HDAC7: variants seen among roughly 807,000 people sequenced by gnomAD.
HDAC7 encodes the protein histone deacetylase 7A.
In HDAC7, 26 loss-of-function variants were observed where a neutral mutation model predicts 115.5. The observed-to-expected ratio is 0.23, with a 90% CI of 0.16 to 0.31. HDAC7 has a LOEUF of 0.31. HDAC7 is among the 10% of genes least tolerant of loss of function. HDAC7 has a pLI of 1.00. For synonymous variants in HDAC7, 564 were observed against 550.9 expected (o/e 1.02, Z -0.33); for missense variants, 1,068 against 1,329.0 (o/e 0.80, Z 3.05).
Position 47,795,747 on chromosome 12 carries a change from G to A in HDAC7, c.927C>T (p.Thr309=), listed in dbSNP as rs1477017832. The change falls in exon 10 of 26, where the codon ACC becomes ACT. Residue 309 remains threonine (T), a synonymous_variant. Transcript: ENST00000080059. This position sits in a 1 kb window ranked among gnomAD's most constrained non-coding sequence, Gnocchi z 4.3. ...GCCCCCGAGGGCCCAGAGTCGGATGGGTCCTGCGGTCACTGTCAGCCTGGG... is the reference window on the plus strand; with the variant it reads ...GCCCCCGAGGGCCCAGAGTCGGATGAGTCCTGCGGTCACTGTCAGCCTGGG... The part of the protein sequence containing the change: ...APARADSDRR[T]HPTLGPRGPI... 6.5e-7 allele frequency: 1 copy of A among 1,535,076 alleles called. No individual in the cohort carries two copies. The highest frequency in any genetic ancestry group is 8.8e-7 in the Non-Finnish European group (1 of 1,138,526).
rs1217079850 is a variant in HDAC7 at position 47,803,573 on chromosome 12, G to A, written c.20-1299C>T. Reference sequence around the variant, plus strand: ...CAGCCCAAGTCCATCTCCTTGGGAGGCTCTCCCTGACCTCTCCCCTCTTCC... The same window carrying A: ...CAGCCCAAGTCCATCTCCTTGGGAGACTCTCCCTGACCTCTCCCCTCTTCC... On this transcript the variant is annotated intron_variant, in intron 1 of 25. Coordinates refer to ENST00000080059, the MANE Select transcript of HDAC7 (RefSeq NM_015401.5). The surrounding 1 kb of genome is among the most constrained non-coding windows in gnomAD (Gnocchi z 4.0). 6.6e-6 allele frequency among the ~76,000 whole-genome samples: 1 copy of A among 152,040 alleles called. No individual in the cohort carries two copies. The highest frequency in any genetic ancestry group is 1.5e-5 in the Non-Finnish European group (1 of 68,014).
Position 47,797,411 on chromosome 12 carries a change from G to T in HDAC7, c.550C>A (p.Pro184Thr). 1 of 1,614,174 alleles carries T rather than the reference G, an allele frequency of 6.2e-7. No individual in the cohort carries two copies. Among genetic ancestry groups the T allele is most frequent in the Non-Finnish European group, 8.5e-7 (1 of 1,180,010 alleles). The change falls in exon 6 of 26, where the codon CCA (proline) becomes ACA (threonine). Residue 184 changes from proline to threonine, a missense_variant. Physicochemically the swap from Pro to Thr is conservative, Grantham distance 38. Around this residue, in one of 6 missense-constraint regions of HDAC7, gnomAD observed 618 missense variants for 701.5 expected, o/e 0.88. Coordinates refer to ENST00000080059, the MANE Select transcript of HDAC7 (RefSeq NM_015401.5). The surrounding 1 kb of genome is among the most constrained non-coding windows in gnomAD (Gnocchi z 5.5). ...GTCTTGCGCAGAGGGAAGTGCTCTG[G>T]GGGGTCACTGGGCAGGCTGGGAACA... ...PPVPSLPSDPPEHFPLRKTVS... is the reference protein window; with the variant it reads ...PPVPSLPSDPTEHFPLRKTVS...
In HDAC7 at chr12:47,810,296, G is replaced by A. The variant is rs535473030; in HGVS notation, c.20-8022C>T. ...GCAAATGAGGAAACTAAGGCTAAGA[G>A]AGGTTCAGAAACTTGCTGAGGTCAC... is the stretch of plus-strand genomic sequence containing the variant. On this transcript the variant is annotated intron_variant, in intron 1 of 25. Transcript: ENST00000080059. Among the ~76,000 whole-genome samples, 5 of 152,330 alleles carry A rather than the reference G, an allele frequency of 3.3e-5. No individual in the cohort carries two copies. The East Asian group carries it at 9.6e-4, about 29-fold the overall frequency.
At chr12:47,815,329 A>T (rs1944821312) in intron 1 of HDAC7, among the ~76,000 whole-genome samples, 1 of 151,918 alleles carries the variant, frequency 6.6e-6, no homozygotes, top group South Asian at 2.1e-4. Flanking sequence ...GCACACATGC[A>T]CACACACACA....
At chr12:47,819,519 C>G (rs1337233153) in intron 1 of HDAC7, among the ~76,000 whole-genome samples, 1 of 151,802 alleles carries the variant, frequency 6.6e-6, no homozygotes, top group African/African-American at 2.4e-5. Context: ...CGGATGTGGG[C>G]GCCCCGCGGG....
intron 2 of HDAC7, 59 bp from the exon 3 acceptor site, chr12:47,799,031 C>T: frequency 8.3e-7 from 1 of 1,207,532 alleles, no homozygotes; most frequent in Non-Finnish European, 1.1e-6. Context: ...GGGCATGATA[C>T]AGCCTGATCC....
intron 14 of HDAC7, 27 bp from the exon 15 acceptor site, chr12:47,791,733 G>C (rs1592644948): frequency 6.2e-7 from 1 of 1,611,562 alleles, no homozygotes; most frequent in Non-Finnish European, 8.5e-7. Flanking sequence ...AGAGCTCTGA[G>C]CTCATGCTCG....
chr12:47,794,862 G>A lies in HDAC7; in HGVS notation c.1356C>T (p.Gly452=), dbSNP rs1266319555. The A allele has an allele frequency of 3.7e-6, 6 of 1,613,352 alleles. No homozygotes were observed. The highest frequency in any genetic ancestry group is 2.2e-5 in the East Asian group (1 of 44,868). Residue 452 remains glycine, a synonymous_variant, in exon 12 of 26, where the codon GGC becomes GGT. Coordinates refer to ENST00000080059, the MANE Select transcript of HDAC7 (RefSeq NM_015401.5). ...IPSAEDLETD[G]GGPGQVVDDG... ...CGTCCACCACCTGGCCCGGTCCCCCGCCATCTGTCTCCAGGTCTTCAGCCG... is the reference window on the plus strand; with the variant it reads ...CGTCCACCACCTGGCCCGGTCCCCCACCATCTGTCTCCAGGTCTTCAGCCG...
intron 1 of HDAC7, among the ~76,000 whole-genome samples, chr12:47,814,001 T>C (rs1003414209): frequency 2.6e-5 from 4 of 152,210 alleles, no homozygotes; most frequent in African/African-American, 9.6e-5. Context: ...GATGTGAAAG[T>C]TAACCTCCTG....
chr12:47,796,752 G>T (rs1592660678), intron 7 of HDAC7, among the ~76,000 whole-genome samples: 1 of 152,218 alleles, frequency 6.6e-6, no homozygotes, highest in South Asian at 2.1e-4. Flanking sequence ...AGAGCAGGAA[G>T]AAGACAGGCC....
At chr12:47,806,070 C>T (rs145229737) in intron 1 of HDAC7, among the ~76,000 whole-genome samples, 3 of 152,352 alleles carry the variant, frequency 2.0e-5, no homozygotes, top group Non-Finnish European at 4.4e-5. Flanking sequence ...CCCTGGAAGC[C>T]GCCCTTTCTA....
chr12:47,797,238 G>A lies in HDAC7; in HGVS notation c.578-96C>T, dbSNP rs1943903123. On this transcript the variant is annotated intron_variant, in intron 6 of 25. Transcript: ENST00000080059. This position sits in a 1 kb window ranked among gnomAD's most constrained non-coding sequence, Gnocchi z 5.5. ...CAGTCATCTCTATCGGTCAAGGAAA[G>A]AGAAGGCAGAACTAGAAAGAAGATC... 1 of 1,563,526 alleles carries A rather than the reference G, an allele frequency of 6.4e-7. No homozygotes were observed. The highest frequency in any genetic ancestry group is 1.2e-5 in the South Asian group (1 of 83,642).
rs1187646714 is a variant in HDAC7 at position 47,795,672 on chromosome 12, C to G, written c.1002G>C (p.Glu334Asp). 1.3e-6 allele frequency: 2 copies of G among 1,552,222 alleles called. No individual in the cohort carries two copies. Among genetic ancestry groups the G allele is most frequent in the Non-Finnish European group, 1.7e-6 (2 of 1,147,538 alleles). Reference sequence around the variant, plus strand: ...AGGGCAAGGTGCCCCCAGCCTCGGGCTCCAAGCCATGGGGCAGGAAGAGGG... The same window carrying G: ...AGGGCAAGGTGCCCCCAGCCTCGGGGTCCAAGCCATGGGGCAGGAAGAGGG... The part of the protein sequence containing the change: ...HTPLFLPHGL[E>D]PEAGGTLPSR... The change falls in exon 10 of 26, where the codon GAG becomes GAC. Residue 334 changes from glutamate to aspartate, a missense_variant. By Grantham distance (45) the Glu-to-Asp change is conservative (BLOSUM62 2). Around this residue, in one of 6 missense-constraint regions of HDAC7, gnomAD observed 618 missense variants for 701.5 expected, o/e 0.88. Transcript: ENST00000080059. The surrounding 1 kb of genome is among the most constrained non-coding windows in gnomAD (Gnocchi z 4.3).
intron 12 of HDAC7, among the ~76,000 whole-genome samples, chr12:47,794,497 C>T (rs1943697937): frequency 6.6e-6 from 1 of 152,206 alleles, no homozygotes; most frequent in African/African-American, 2.4e-5. Flanking sequence ...CAGGAAAGGA[C>T]AGACTCCTTC....
Position 47,790,933 on chromosome 12 carries a change from T to A in HDAC7, c.1983+326A>T, listed in dbSNP as rs1943460147. The A allele has an allele frequency of 1.1e-5, 5 of 446,688 alleles. No homozygotes were observed. In the East Asian group the frequency reaches 2.2e-4, roughly 20 times the overall value. 27.7% of individuals were successfully genotyped at this position (446,688 alleles called of 1,614,324 possible). On this transcript the variant is annotated intron_variant, in intron 16 of 25. Coordinates refer to ENST00000080059, the MANE Select transcript of HDAC7 (RefSeq NM_015401.5). Reference sequence around the variant, plus strand: ...GCAGACAGAGCAGCCTGGCGGCCAATGCCCAGTCATGGGGGTCTTTGAAGG... The same window carrying A: ...GCAGACAGAGCAGCCTGGCGGCCAAAGCCCAGTCATGGGGGTCTTTGAAGG...
chr12:47,784,041 G>C, intron 25 of HDAC7, 38 bp downstream of exon 25: 1 of 1,609,122 alleles, frequency 6.2e-7, no homozygotes, highest in Non-Finnish European at 8.5e-7. Flanking sequence ...TGAAGCGGTG[G>C]AGAGGCTGTG....
intron 13 of HDAC7, 130 bp from the exon 14 acceptor site, chr12:47,792,134 C>A: frequency 9.7e-7 from 1 of 1,029,302 alleles, no homozygotes; most frequent in East Asian, 2.7e-5. Flanking sequence ...CCCCTCACAC[C>A]CACACAGGCC....
chr12:47,792,269 G>A, intron 13 of HDAC7: 1 of 527,088 alleles, frequency 1.9e-6, no homozygotes, highest in South Asian at 2.4e-5. Context: ...CTGCCACAGA[G>A]CCACGGCCTT....
chr12:47,809,086 A>T (rs1000795767), intron 1 of HDAC7, among the ~76,000 whole-genome samples: 1 of 152,174 alleles, frequency 6.6e-6, no homozygotes, highest in East Asian at 1.9e-4. Flanking sequence ...CCCCACTTAG[A>T]CCAGTTGCTC....
Sources: allele counts gnomAD v4.1 joint callset (sites outside exome capture counted in the v4.1 genomes callset), GRCh38; gene constraint gnomAD v4.1.1; regional missense constraint gnomAD v4.1.1; non-coding constraint Gnocchi (gnomAD v3.1); transcripts MANE v1.5; gene names NCBI Gene and HGNC (gene_info 2026-07-23, HGNC 2026-07-21).